The following PTPRD variants were observed in gnomAD, a reference collection of about 807,000 sequenced individuals.
PTPRD encodes the protein receptor-type tyrosine-protein phosphatase delta.
In PTPRD, 34 loss-of-function variants were observed where a neutral mutation model predicts 214.5. That is an observed-to-expected ratio of 0.16 (90% confidence interval 0.12 to 0.21). PTPRD has a LOEUF of 0.21. PTPRD is among the 10% of genes least tolerant of loss of function. The probability of loss-of-function intolerance (pLI) is 1.00; values close to 1 mark genes in which losing one functional copy is unlikely to be tolerated. For missense variants in PTPRD, 2,545 were observed against 2,398.7 expected, an observed-to-expected ratio of 1.06 and a Z score of -1.27; for synonymous variants, 1,128 against 845.7, an observed-to-expected ratio of 1.33 and a Z score of -5.79.
At chr9:9,459,817 C>T (rs1481784733) in intron 8 of PTPRD, among the ~76,000 whole-genome samples, 1 of 152,020 alleles carries the variant, frequency 6.6e-6, no homozygotes, top group Non-Finnish European at 1.5e-5. Flanking sequence ...TAACCAATGC[C>T]ATTTTTCACA....
intron 8 of PTPRD, among the ~76,000 whole-genome samples, chr9:9,486,338 C>CA (rs2095636705): frequency 6.6e-6 from 1 of 152,020 alleles, no homozygotes; most frequent in South Asian, 2.1e-4. Flanking sequence ...TCCACCCCAT[C>CA]ACTTCCCTGC....
At chr9:10,510,118 G>T (rs926529321) in intron 2 of PTPRD, among the ~76,000 whole-genome samples, 1 of 152,074 alleles carries the variant, frequency 6.6e-6, no homozygotes, top group African/African-American at 2.4e-5. Flanking sequence ...AGAGTACAGT[G>T]TTTGGGAACT....
chr9:8,404,407 G>A (rs913147915), intron 36 of PTPRD, 130 bp downstream of exon 36: 1 of 1,255,836 alleles, frequency 8.0e-7, no homozygotes, highest in Non-Finnish European at 1.1e-6. Flanking sequence ...GGGATTACAG[G>A]CGTGAGCCAC....
rs796752287 is a variant in PTPRD at position 8,530,740 on chromosome 9, G to C, written c.353-1961C>G. On this transcript the variant is annotated intron_variant, in intron 14 of 45. Transcript: ENST00000381196. Reference sequence around the variant, plus strand: ...AGAGAGGCAACCAGTTAAATAGTTAGGGACCAGAGAGATTCTGAATGTGAA... The same window carrying C: ...AGAGAGGCAACCAGTTAAATAGTTACGGACCAGAGAGATTCTGAATGTGAA... 2.0e-4 allele frequency among the ~76,000 whole-genome samples: 30 copies of C among 152,194 alleles called. 1 individual carries two copies. The highest frequency in any genetic ancestry group is 7.0e-4 in the African/African-American group (29 of 41,548).
intron 2 of PTPRD, among the ~76,000 whole-genome samples, chr9:10,588,992 C>T (rs1447773351): frequency 6.6e-6 from 1 of 151,970 alleles, no homozygotes; most frequent in African/African-American, 2.4e-5. Context: ...ATTGTAGAAC[C>T]TTTTCGTCTC....
At chr9:8,412,339 TTATC>T (rs1183922331) in intron 35 of PTPRD, among the ~76,000 whole-genome samples, 6 of 152,186 alleles carry the variant, frequency 3.9e-5, no homozygotes, top group Non-Finnish European at 7.3e-5. Context: ...ACAGACAAAA[TTATC>T]TAGCAAATAC....
chr9:8,362,554 T>G (rs972148878), intron 39 of PTPRD, among the ~76,000 whole-genome samples: 2 of 152,020 alleles, frequency 1.3e-5, no homozygotes, highest in African/African-American at 4.8e-5. Context: ...AGAATTGGAG[T>G]TGGTTCAGGT....
intron 8 of PTPRD, among the ~76,000 whole-genome samples, chr9:9,427,662 G>A (rs762020862): frequency 6.6e-6 from 1 of 152,168 alleles, no homozygotes; most frequent in Admixed American, 6.5e-5. Flanking sequence ...CAGCCAGAGA[G>A]AAAGGTTGGG....
At chr9:9,530,805 T>C (rs894158283) in intron 8 of PTPRD, among the ~76,000 whole-genome samples, 2 of 152,122 alleles carry the variant, frequency 1.3e-5, no homozygotes, top group Non-Finnish European at 2.9e-5. Flanking sequence ...CTGCATATTT[T>C]CACTCATATG....
At chr9:10,559,954 G>T (rs1366577475) in intron 2 of PTPRD, among the ~76,000 whole-genome samples, 1 of 152,150 alleles carries the variant, frequency 6.6e-6, no homozygotes, top group Non-Finnish European at 1.5e-5. Flanking sequence ...CTTTTACACT[G>T]TTGGTGGGAC....
At chr9:10,275,490 C>G (rs1014658938) in intron 3 of PTPRD, among the ~76,000 whole-genome samples, 2 of 152,070 alleles carry the variant, frequency 1.3e-5, no homozygotes, top group African/African-American at 4.8e-5. Context: ...TTAAATCATA[C>G]TACCTACACA....
At chr9:9,145,534 ATAAAC>A (rs2099867170) in intron 10 of PTPRD, among the ~76,000 whole-genome samples, 1 of 152,218 alleles carries the variant, frequency 6.6e-6, no homozygotes, top group African/African-American at 2.4e-5. Context: ...ATAAAAAGAT[ATAAAC>A]TAAACTCTAA....
chr9:9,335,499 C>G (rs1221715601), intron 9 of PTPRD, among the ~76,000 whole-genome samples: 1 of 152,068 alleles, frequency 6.6e-6, no homozygotes, highest in Non-Finnish European at 1.5e-5. Flanking sequence ...TATATTAAGA[C>G]ATTACCTTAC....
At chr9:8,851,085 A>G (rs1601857664) in intron 11 of PTPRD, among the ~76,000 whole-genome samples, 1 of 151,884 alleles carries the variant, frequency 6.6e-6, no homozygotes, top group African/African-American at 2.4e-5. Flanking sequence ...AGCAAACCCC[A>G]CAACTGGCTA....
chr9:9,989,932 CT>C (rs2095855506), intron 4 of PTPRD, among the ~76,000 whole-genome samples: 2 of 152,148 alleles, frequency 1.3e-5, no homozygotes, highest in South Asian at 4.1e-4. Context: ...GCACTGTGGG[CT>C]GAGAAAGCAA....
At chr9:8,527,760 C>A (rs2074583517) in intron 15 of PTPRD, among the ~76,000 whole-genome samples, 1 of 151,900 alleles carries the variant, frequency 6.6e-6, no homozygotes, top group Non-Finnish European at 1.5e-5. Flanking sequence ...AGAGCAAAGG[C>A]ATAAACTTGG....
At position 8,862,833 on chromosome 9, in the gene PTPRD, A is replaced by G. The variant is rs549806408; in HGVS notation, c.-103-128887T>C. On this transcript the variant is annotated intron_variant, in intron 11 of 45. Coordinates refer to ENST00000381196, the MANE Select transcript of PTPRD (RefSeq NM_002839.4). ...CTATCGCAAGAACAAAAAAGCAAAC[A>G]CCGCATATTCTCACTCATAGGTGGG... Among the ~76,000 whole-genome samples the G allele has an allele frequency of 4.0e-5, 6 of 149,980 alleles. No individual in the cohort carries two copies. In the South Asian group the frequency reaches 1.3e-3, roughly 32 times the overall value.
intron 9 of PTPRD, among the ~76,000 whole-genome samples, chr9:9,322,448 G>C (rs1263674788): frequency 6.6e-6 from 1 of 152,158 alleles, no homozygotes; most frequent in African/African-American, 2.4e-5. Context: ...CACGTAGCTA[G>C]TGGCAAGATG....
intron 3 of PTPRD, among the ~76,000 whole-genome samples, chr9:10,332,433 T>C (rs2096768245): frequency 6.6e-6 from 1 of 151,820 alleles, no homozygotes; most frequent in East Asian, 1.9e-4. Flanking sequence ...AGGAATTATC[T>C]TCACTTCCCT....
Sources: gnomAD v4.1 joint callset for allele counts (sites outside exome capture counted in the v4.1 genomes callset) on GRCh38, gnomAD v4.1.1 for gene constraint, MANE v1.5 for transcripts, NCBI Gene and HGNC (gene_info 2026-07-23, HGNC 2026-07-21) for gene names.